The following KRT34 variants were observed in gnomAD, a reference collection of about 807,000 sequenced individuals.
KRT34 encodes the protein keratin, type I cuticular Ha4.
A neutral mutation model predicts 41.7 loss-of-function variants in KRT34; 31 were observed. The observed-to-expected ratio is 0.74, with a 90% CI of 0.56 to 1.00. KRT34 has a LOEUF of 1.00. Ranked by LOEUF, KRT34 falls within the 50% of genes least tolerant of loss-of-function variation. KRT34 has a pLI of 0.00. For synonymous variants in KRT34, 224 were observed against 212.9 expected (o/e 1.05, Z -0.45); for missense variants, 523 against 500.3 (o/e 1.05, Z -0.43).
At position 41,382,184 on chromosome 17, in the gene KRT34, G is replaced by A. The variant is rs374587752; in HGVS notation, c.63C>T (p.Cys21=). 120 of 1,612,274 alleles carry A rather than the reference G, an allele frequency of 7.4e-5. No individual in the cohort carries two copies. Among genetic ancestry groups the A allele is most frequent in the African/African-American group, 5.5e-4 (41 of 74,884 alleles). The change falls in exon 1 of 7, where the codon TGC becomes TGT. Residue 21 remains cysteine, a synonymous_variant. Coordinates refer to ENST00000394001, the MANE Select transcript of KRT34 (RefSeq NM_001386014.1). ...TGTAGCCGTGGCAGCTGGGGGGCAC[G>A]CAGGGCCGGGAGGAGCAGCTGGTGC... The part of the protein sequence containing the change: ...GCRTSCSSRP[C]VPPSCHGYTL...
chr17:41,381,361 T>A, intron 2 of KRT34, 149 bp from the exon 3 acceptor site: 1 of 850,742 alleles, frequency 1.2e-6, no homozygotes, highest in Non-Finnish European at 1.8e-6. Flanking sequence ...TGTCCATGGA[T>A]AGGCTGAAGA....
At position 41,377,938 on chromosome 17, in the gene KRT34, CAT is replaced by C. The variant is rs2017874614; in HGVS notation, c.*119_*120del. 2.9e-6 allele frequency: 2 copies of C among 685,626 alleles called. No homozygotes were observed. The highest frequency in any genetic ancestry group is 5.2e-5 in the East Asian group (2 of 38,140). The allele number at this position is 685,626 out of a possible 1,614,324, so 42.5% of individuals were successfully genotyped here. ...AAGCTTTTCAGCATTCTAGAAATAA[CAT>C]AGAGGCAAGATGAGGTTTCTTGATG... is the stretch of plus-strand genomic sequence containing the variant. On this transcript the variant is annotated 3_prime_UTR_variant, in exon 7 of 7. Coordinates refer to ENST00000394001, the MANE Select transcript of KRT34 (RefSeq NM_001386014.1).
chr17:41,382,744 T>C (rs192217450), upstream of KRT34, among the ~76,000 whole-genome samples: 1 of 152,340 alleles, frequency 6.6e-6, no homozygotes, highest in Admixed American at 6.5e-5. Flanking sequence ...CCCACATTCA[T>C]CCATGTTTCA....
chr17:41,380,773 T>C (rs987888907), intron 3 of KRT34, among the ~76,000 whole-genome samples: 1 of 152,162 alleles, frequency 6.6e-6, no homozygotes, highest in Non-Finnish European at 1.5e-5. Flanking sequence ...TCCCTCCATC[T>C]CCACCACCAA....
upstream of KRT34, among the ~76,000 whole-genome samples, chr17:41,383,280 G>C (rs953419062): frequency 2.0e-5 from 3 of 152,174 alleles, no homozygotes; most frequent in Non-Finnish European, 4.4e-5. Context: ...GCCTCCCAAA[G>C]TGCTGGGATT....
In KRT34 at chr17:41,379,497, G is replaced by A; in HGVS notation, c.751-19C>T. On this transcript the variant is annotated intron_variant, in intron 4 of 6. Transcript: ENST00000394001. ...CCTCGGTCTGAAACACCCAAGTGGG[G>A]AAAGGATCAGACCCTGTCTCCAGGG... The A allele has an allele frequency of 6.2e-7, 1 of 1,614,218 alleles. No individual in the cohort carries two copies. Among genetic ancestry groups the A allele is most frequent in the South Asian group, 1.1e-5 (1 of 91,090 alleles).
In KRT34 at chr17:41,382,154, C is replaced by G. The variant is rs1328505598; in HGVS notation, c.93G>C (p.Leu31=). 5.6e-6 allele frequency: 9 copies of G among 1,612,302 alleles called. No individual in the cohort carries two copies. Among genetic ancestry groups the G allele is most frequent in the Non-Finnish European group, 6.8e-6 (8 of 1,180,044 alleles). The part of the protein sequence containing the change: ...CVPPSCHGYT[L]PGACNIPANV... ...TGGCGGGGATGTTGCAGGCCCCAGG[C>G]AGGGTGTAGCCGTGGCAGCTGGGGG... The change falls in exon 1 of 7, where the codon CTG becomes CTC. Residue 31 remains leucine, a synonymous_variant. Coordinates refer to ENST00000394001, the MANE Select transcript of KRT34 (RefSeq NM_001386014.1).
intron 3 of KRT34, 88 bp downstream of exon 3, chr17:41,380,968 A>C (rs759243981): frequency 1.5e-6 from 2 of 1,319,950 alleles, no homozygotes; most frequent in Non-Finnish European, 2.2e-6. Context: ...GAAGGGTCCC[A>C]GACCAGGGAT....
At position 41,382,169 on chromosome 17, in the gene KRT34, G is replaced by T; in HGVS notation, c.78C>A (p.Cys26Ter). The change falls in exon 1 of 7, where the codon TGC (cysteine) becomes TGA (stop). Residue 26 changes from cysteine to a stop codon, truncating the protein, a stop_gained. Coordinates refer to ENST00000394001, the MANE Select transcript of KRT34 (RefSeq NM_001386014.1). LOFTEE classifies it high-confidence loss of function. Reference protein sequence around the residue: ...CSSRPCVPPSCHGYTLPGACN... With the variant: ...CSSRPCVPPS Reference sequence around the variant, plus strand: ...AGGCCCCAGGCAGGGTGTAGCCGTGGCAGCTGGGGGGCACGCAGGGCCGGG... The same window carrying T: ...AGGCCCCAGGCAGGGTGTAGCCGTGTCAGCTGGGGGGCACGCAGGGCCGGG... 6.2e-7 allele frequency: 1 copy of T among 1,612,388 alleles called. No individual in the cohort carries two copies.
rs375618735 is a variant in KRT34 at position 41,381,131 on chromosome 17, G to A, written c.513C>T (p.Leu171=). 5.0e-6 allele frequency: 8 copies of A among 1,614,064 alleles called. No homozygotes were observed. The highest frequency in any genetic ancestry group is 4.2e-6 in the Non-Finnish European group (5 of 1,180,018). The change falls in exon 3 of 7, where the codon CTC becomes CTT. Residue 171 remains leucine, a synonymous_variant. Coordinates refer to ENST00000394001, the MANE Select transcript of KRT34 (RefSeq NM_001386014.1). ...SIRRILDELT[L]CKSDLESQVE... is the part of the protein sequence containing the mutation. The stretch of plus-strand genomic sequence containing the variant: ...CCTGGGACTCCAGGTCAGACTTGCA[G>A]AGGGTCAGCTCATCCAGGATCCTGC...
chr17:41,380,309 A>C (rs2017954033), intron 3 of KRT34, among the ~76,000 whole-genome samples: 1 of 151,966 alleles, frequency 6.6e-6, no homozygotes, highest in Admixed American at 6.6e-5. Flanking sequence ...AGAGTGACAC[A>C]CACATTTTAT....
Position 41,381,780 on chromosome 17 carries a change from C to T in KRT34, c.364G>A (p.Ala122Thr). 3 of 1,614,208 alleles carry T rather than the reference C, an allele frequency of 1.9e-6. No individual in the cohort carries two copies. The highest frequency in any genetic ancestry group is 2.5e-6 in the Non-Finnish European group (3 of 1,180,032). ...ELQQKILCAK[A>T]ENARLVVNID... Reference sequence around the variant, plus strand: ...TTCACCACCAGCCTGGCATTCTCAGCCTTGGCACACAGAATCTGAAAAGAA... The same window carrying T: ...TTCACCACCAGCCTGGCATTCTCAGTCTTGGCACACAGAATCTGAAAAGAA... Residue 122 changes from alanine (A) to threonine (T), a missense_variant, in exon 2 of 7, where the codon GCT becomes ACT. Ala to Thr is a moderately conservative substitution (Grantham distance 58, BLOSUM62 0). Coordinates refer to ENST00000394001, the MANE Select transcript of KRT34 (RefSeq NM_001386014.1).
rs371977154 is a variant in KRT34 at position 41,381,080 on chromosome 17, G to T, written c.564C>A (p.Ile188=). 2.5e-6 allele frequency: 4 copies of T among 1,614,030 alleles called. No individual in the cohort carries two copies. Among genetic ancestry groups the T allele is most frequent in the Non-Finnish European group, 3.4e-6 (4 of 1,180,036 alleles). ...SQVESLREEL[I]CLKKNHEEEV... ...CCTCCTCATGGTTCTTCTTCAAGCA[G>T]ATCAGCTCCTCCCTCAGGGACTCCA... The change falls in exon 3 of 7, where the codon ATC becomes ATA. Residue 188 remains isoleucine (I), a synonymous_variant. Transcript: ENST00000394001.
upstream of KRT34, among the ~76,000 whole-genome samples, chr17:41,382,865 A>C (rs1367336768): frequency 6.6e-6 from 1 of 152,200 alleles, no homozygotes; most frequent in Non-Finnish European, 1.5e-5. Flanking sequence ...AGCAACTGAA[A>C]ACAATGGCAT....
At chr17:41,382,341 T>A (rs765722481), upstream of KRT34, 30 of 1,612,772 alleles carry the variant, frequency 1.9e-5, no homozygotes, top group South Asian at 3.3e-4. Context: ...TTTTATACCA[T>A]TAATTGTGGG....
In KRT34 at chr17:41,381,959, C is replaced by G; in HGVS notation, c.288G>C (p.Glu96Asp). The G allele has an allele frequency of 6.2e-7, 1 of 1,614,296 alleles. No individual in the cohort carries two copies. ...KLIQERSQQQ[E>D]PLLCPSYQSY... is the part of the protein sequence containing the mutation. ...ACTGGTAGCTGGGGCACAGCAAGGGCTCCTGCTGCTGGGACCGCTCCTGGA... is the reference window on the plus strand; with the variant it reads ...ACTGGTAGCTGGGGCACAGCAAGGGGTCCTGCTGCTGGGACCGCTCCTGGA... The change falls in exon 1 of 7, where the codon GAG (glutamate) becomes GAC (aspartate). Residue 96 changes from glutamate (E) to aspartate (D), a missense_variant. Physicochemically the swap from Glu to Asp is conservative, Grantham distance 45. Transcript: ENST00000394001.
At position 41,381,883 on chromosome 17, in the gene KRT34, T is replaced by C; in HGVS notation, c.348+16A>G. The C allele has an allele frequency of 6.2e-7, 1 of 1,613,270 alleles. No homozygotes were observed. Among genetic ancestry groups the C allele is most frequent in the Non-Finnish European group, 8.5e-7 (1 of 1,179,252 alleles). ...AGCCAGCTGCTGCTGGCCCCCCATA[T>C]GGCCAACCCCCTCACCTTCTGCTGG... is the stretch of plus-strand genomic sequence containing the variant. On this transcript the variant is annotated intron_variant, in intron 1 of 6. Transcript: ENST00000394001.
rs1264317070 is a variant in KRT34, at chr17:41,379,002, A to G, written c.1051T>C (p.Cys351Arg). ...AGGCTCCGGTACGTGTTGATCTCACACTCCAGCCGGGCACGCACGTCCAGC... is the reference window on the plus strand; with the variant it reads ...AGGCTCCGGTACGTGTTGATCTCACGCTCCAGCCGGGCACGCACGTCCAGC... ...VLLDVRARLE[C>R]EINTYRSLLE... Residue 351 changes from cysteine to arginine, a missense_variant, in exon 6 of 7, where the codon TGT (cysteine) becomes CGT (arginine). Physicochemically the swap from Cys to Arg is radical, Grantham distance 180. Coordinates refer to ENST00000394001, the MANE Select transcript of KRT34 (RefSeq NM_001386014.1). The G allele has an allele frequency of 3.1e-6, 5 of 1,612,548 alleles. No individual in the cohort carries two copies. Among genetic ancestry groups the G allele is most frequent in the Non-Finnish European group, 3.4e-6 (4 of 1,179,528 alleles).
At chr17:41,378,891 C>A (rs2017904876) in intron 6 of KRT34, 65 bp downstream of exon 6, 1 of 1,597,544 alleles carries the variant, frequency 6.3e-7, no homozygotes, top group Non-Finnish European at 8.6e-7. Flanking sequence ...ACATGGCCAC[C>A]ATTTGTGTGC....
Sources: gnomAD v4.1 joint callset for allele counts (sites outside exome capture counted in the v4.1 genomes callset) on GRCh38, gnomAD v4.1.1 for gene constraint, MANE v1.5 for transcripts, NCBI Gene and HGNC (gene_info 2026-07-23, HGNC 2026-07-21) for gene names.